Variants in ITPR2 observed in about 807,000 individuals in gnomAD.
ITPR2 encodes inositol 1,4,5-trisphosphate-gated calcium channel ITPR2.
A neutral mutation model predicts 317.1 loss-of-function variants in ITPR2; 207 were observed. The ratio of observed to expected loss-of-function variants is 0.65; its 90% CI spans 0.58 to 0.73. The LOEUF (loss-of-function observed/expected upper bound fraction) is 0.73. Ranked by LOEUF, ITPR2 falls within the 30% of genes least tolerant of loss-of-function variation. ITPR2 has a pLI of 0.00. For synonymous variants in ITPR2, 1,156 were observed against 1,149.1 expected (o/e 1.01, Z -0.12); for missense variants, 2,613 against 3,284.0 (o/e 0.80, Z 4.99).
chr12:26,473,497 T>C (rs1942341643), intron 45 of ITPR2, among the ~76,000 whole-genome samples: 1 of 152,196 alleles, frequency 6.6e-6, no homozygotes. Context: ...CAAGACTATC[T>C]TGCAGTCAAG....
intron 45 of ITPR2, among the ~76,000 whole-genome samples, chr12:26,444,453 A>C (rs891144778): frequency 2.0e-5 from 3 of 151,788 alleles, no homozygotes; most frequent in Non-Finnish European, 4.4e-5. Flanking sequence ...CTACCACAGA[A>C]CTCTTTCACT....
intron 1 of ITPR2, among the ~76,000 whole-genome samples, chr12:26,807,708 G>C (rs1950662905): frequency 6.6e-6 from 1 of 152,198 alleles, no homozygotes; most frequent in East Asian, 1.9e-4. Flanking sequence ...AGTGCATTTG[G>C]TGATACCACC....
intron 36 of ITPR2, 113 bp from the exon 37 acceptor site, chr12:26,550,468 A>C (rs1944497253): frequency 1.6e-6 from 1 of 620,308 alleles, no homozygotes; most frequent in South Asian, 1.9e-5. Flanking sequence ...AATATGAAGC[A>C]AACCAGGTAC....
chr12:26,697,659 A>C (rs1948376090), intron 9 of ITPR2, among the ~76,000 whole-genome samples: 1 of 152,120 alleles, frequency 6.6e-6, no homozygotes, highest in Non-Finnish European at 1.5e-5. Flanking sequence ...AAATTCAAAA[A>C]TTAGCTGGGC....
intron 55 of ITPR2, among the ~76,000 whole-genome samples, chr12:26,348,115 T>G (rs1938364125): frequency 6.6e-6 from 1 of 152,222 alleles, no homozygotes; most frequent in African/African-American, 2.4e-5. Context: ...TGAGGAGCAT[T>G]AAGCATTTCC....
intron 55 of ITPR2, among the ~76,000 whole-genome samples, chr12:26,347,978 T>C (rs1295368970): frequency 6.6e-6 from 1 of 152,252 alleles, no homozygotes; most frequent in African/African-American, 2.4e-5. Context: ...ACAGACTTGA[T>C]GGCTATGCTT....
intron 2 of ITPR2, among the ~76,000 whole-genome samples, chr12:26,762,634 A>G (rs1403500854): frequency 6.6e-6 from 1 of 152,208 alleles, no homozygotes; most frequent in Non-Finnish European, 1.5e-5. Flanking sequence ...GAAGTATAAA[A>G]TTCACTTTAA....
Position 26,695,594 on chromosome 12 carries a change from A to G in ITPR2, c.996+12T>C. ...TGCTGAGATTTGTTGGAGAAAAGCC[A>G]GTTCTACTCACCACATTTTTTCCTT... On this transcript the variant is annotated intron_variant, in intron 10 of 56. Transcript: ENST00000381340. 1 of 1,606,660 alleles carries G rather than the reference A, an allele frequency of 6.2e-7. No individual in the cohort carries two copies. Among genetic ancestry groups the G allele is most frequent in the Non-Finnish European group, 8.5e-7 (1 of 1,173,502 alleles).
intron 5 of ITPR2, among the ~76,000 whole-genome samples, chr12:26,719,123 T>C (rs576191205): frequency 3.9e-5 from 6 of 152,228 alleles, no homozygotes; most frequent in African/African-American, 1.2e-4. Context: ...CTACCAATCA[T>C]GTGAAATAAA....
intron 1 of ITPR2, among the ~76,000 whole-genome samples, chr12:26,813,070 T>A (rs79183098): frequency 0.1 from 15,701 of 152,236 alleles, 1,061 homozygotes; most frequent in Non-Finnish European, 0.15. Flanking sequence ...TTCAAAAAAG[T>A]TACATAAAGA....
intron 15 of ITPR2, among the ~76,000 whole-genome samples, chr12:26,661,544 A>G (rs1241524294): frequency 6.6e-6 from 1 of 152,138 alleles, no homozygotes; most frequent in African/African-American, 2.4e-5. Context: ...AAGGGGCCCC[A>G]AGTACTCTTC....
chr12:26,654,595 CT>C (rs1947333041), intron 20 of ITPR2, among the ~76,000 whole-genome samples: 1 of 152,192 alleles, frequency 6.6e-6, no homozygotes, highest in Non-Finnish European at 1.5e-5. Flanking sequence ...CAGTCTCCCC[CT>C]ACCACACTGT....
chr12:26,826,895 G>A (rs1209997551), intron 1 of ITPR2, among the ~76,000 whole-genome samples: 1 of 152,092 alleles, frequency 6.6e-6, no homozygotes, highest in Non-Finnish European at 1.5e-5. Context: ...CCTACTCTGT[G>A]GTACCTGACC....
At chr12:26,709,506 T>C (rs12814812) in intron 9 of ITPR2, among the ~76,000 whole-genome samples, 34,343 of 152,134 alleles carry the variant, frequency 0.23, 4,136 homozygotes, top group Non-Finnish European at 0.27. Context: ...TATATTGAAG[T>C]CTTGGATCCT....
intron 26 of ITPR2, among the ~76,000 whole-genome samples, chr12:26,613,536 A>T (rs1484881): frequency 0.23 from 34,658 of 150,806 alleles, 4,391 homozygotes; most frequent in East Asian, 0.52. Flanking sequence ...AATAAGCTGG[A>T]TTCTGAGTTT....
chr12:26,649,930 A>G (rs564275056), intron 21 of ITPR2, among the ~76,000 whole-genome samples: 3 of 152,258 alleles, frequency 2.0e-5, no homozygotes, highest in African/African-American at 7.2e-5. Flanking sequence ...AATTTTGCCC[A>G]TTTATTTATT....
intron 2 of ITPR2, among the ~76,000 whole-genome samples, chr12:26,746,439 C>T (rs1341104454): frequency 6.6e-6 from 1 of 152,186 alleles, no homozygotes; most frequent in Non-Finnish European, 1.5e-5. Flanking sequence ...AACAACCTGA[C>T]AATTTGCCAC....
chr12:26,575,814 G>A (rs1945262326), intron 34 of ITPR2, among the ~76,000 whole-genome samples: 1 of 152,148 alleles, frequency 6.6e-6, no homozygotes, highest in African/African-American at 2.4e-5. Flanking sequence ...TACACAATGA[G>A]TATCACTGAA....
intron 54 of ITPR2, among the ~76,000 whole-genome samples, chr12:26,394,895 A>C (rs905876799): frequency 6.6e-6 from 1 of 152,082 alleles, no homozygotes; most frequent in Non-Finnish European, 1.5e-5. Context: ...GATGCTAAAC[A>C]TGATGGTGTG....
Sources: gnomAD v4.1 joint callset for allele counts (sites outside exome capture counted in the v4.1 genomes callset) on GRCh38, gnomAD v4.1.1 for gene constraint, MANE v1.5 for transcripts, NCBI Gene and HGNC (gene_info 2026-07-23, HGNC 2026-07-21) for gene names.